RBPMS2: variants seen among roughly 807,000 people sequenced by gnomAD.
The protein encoded by RBPMS2 is RNA-binding protein with multiple splicing 2.
Under a neutral mutation model 25.7 loss-of-function variants are expected in RBPMS2, and 14 were observed. The observed-to-expected ratio is 0.55, with a 90% CI of 0.36 to 0.85. The LOEUF (loss-of-function observed/expected upper bound fraction) is 0.85, where lower values mean the gene tolerates loss of function less well. Ranked by LOEUF, RBPMS2 falls within the 40% of genes least tolerant of loss-of-function variation. The pLI is 0.01. For synonymous variants in RBPMS2, 127 were observed against 115.6 expected (o/e 1.10, Z -0.63); for missense variants, 252 against 283.4 (o/e 0.89, Z 0.80).
chr15:64,742,777 G>T (rs2083574927), intron 6 of RBPMS2, among the ~76,000 whole-genome samples: 1 of 152,208 alleles, frequency 6.6e-6, no homozygotes, highest in African/African-American at 2.4e-5. Context: ...CCTGCAGACA[G>T]CTCCCTTGAG....
intron 1 of RBPMS2, chr15:64,762,636 A>G (rs2141072376): frequency 1.1e-5 from 5 of 437,484 alleles, no homozygotes; most frequent in South Asian, 8.8e-5. Flanking sequence ...AACGTCAGGA[A>G]GCCCAGGGTG....
chr15:64,755,307 G>C (rs1341817116), intron 1 of RBPMS2, among the ~76,000 whole-genome samples: 1 of 152,140 alleles, frequency 6.6e-6, no homozygotes, highest in Non-Finnish European at 1.5e-5. Flanking sequence ...CTCTCAGGTG[G>C]TCAAGGCAGT....
At chr15:64,773,287 C>T (rs1392919831) in intron 1 of RBPMS2, among the ~76,000 whole-genome samples, 1 of 152,242 alleles carries the variant, frequency 6.6e-6, no homozygotes, top group African/African-American at 2.4e-5. Flanking sequence ...CACAGGGGCT[C>T]ATGGCCCACT....
At chr15:64,761,710 T>TC (rs2141071515) in intron 1 of RBPMS2, among the ~76,000 whole-genome samples, 1 of 146,038 alleles carries the variant, frequency 6.8e-6, no homozygotes, top group Admixed American at 6.9e-5. Context: ...TTTTTTTTTT[T>TC]TTTTTTTTTT....
chr15:64,754,740 C>T (rs759755375), intron 1 of RBPMS2, among the ~76,000 whole-genome samples: 11 of 152,070 alleles, frequency 7.2e-5, no homozygotes, highest in African/African-American at 9.6e-5. Flanking sequence ...CTTCCTACTA[C>T]GTGCCCAGCC....
At chr15:64,754,703 C>CA (rs111969621) in intron 1 of RBPMS2, among the ~76,000 whole-genome samples, 1,496 of 140,988 alleles carry the variant, frequency 0.011, 25 homozygotes, top group African/African-American at 0.033. Flanking sequence ...AACTCCGTCT[C>CA]AAAAAAAAAA....
chr15:64,753,578 C>T (rs1417226314), intron 1 of RBPMS2, among the ~76,000 whole-genome samples: 2 of 152,204 alleles, frequency 1.3e-5, no homozygotes, highest in African/African-American at 2.4e-5. Flanking sequence ...ACGGTGAAGA[C>T]AAACTTTGTC....
intron 1 of RBPMS2, among the ~76,000 whole-genome samples, chr15:64,753,081 T>C (rs2083697819): frequency 6.6e-6 from 1 of 152,154 alleles, no homozygotes; most frequent in Non-Finnish European, 1.5e-5. Flanking sequence ...GGGGAGACTT[T>C]CCATAGCTTA....
chr15:64,749,313 G>T, intron 4 of RBPMS2, 118 bp downstream of exon 4: 3 of 1,303,772 alleles, frequency 2.3e-6, no homozygotes, highest in Non-Finnish European at 3.3e-6. Flanking sequence ...AATGGCCTTT[G>T]GCACAGACAG....
intron 1 of RBPMS2, among the ~76,000 whole-genome samples, chr15:64,767,705 C>T (rs1355386061): frequency 6.6e-6 from 1 of 152,128 alleles, no homozygotes; most frequent in Non-Finnish European, 1.5e-5. Flanking sequence ...CAAGGTCTCG[C>T]TCTGTCACCC....
At chr15:64,760,234 C>T (rs1241731930) in intron 1 of RBPMS2, among the ~76,000 whole-genome samples, 1 of 152,164 alleles carries the variant, frequency 6.6e-6, no homozygotes, top group African/African-American at 2.4e-5. Context: ...GACATGGGGT[C>T]GGCCAGGAGC....
intron 5 of RBPMS2, among the ~76,000 whole-genome samples, 158 bp downstream of exon 5, chr15:64,748,842 A>C (rs2083645211): frequency 6.6e-6 from 1 of 152,162 alleles, no homozygotes; most frequent in Non-Finnish European, 1.5e-5. Context: ...CAGAAATTCT[A>C]GGCAGGCTGC....
intron 1 of RBPMS2, among the ~76,000 whole-genome samples, chr15:64,765,762 G>T (rs2083841072): frequency 6.6e-6 from 1 of 152,152 alleles, no homozygotes; most frequent in African/African-American, 2.4e-5. Context: ...TGGCCAACAT[G>T]GCGAAACCCT....
chr15:64,769,807 A>G (rs2083879406), intron 1 of RBPMS2, among the ~76,000 whole-genome samples: 1 of 152,226 alleles, frequency 6.6e-6, no homozygotes, highest in African/African-American at 2.4e-5. Flanking sequence ...GGATGCCACC[A>G]GCCCAAAGGA....
intron 1 of RBPMS2, chr15:64,762,627 A>G: frequency 2.2e-6 from 1 of 448,088 alleles, no homozygotes; most frequent in East Asian, 5.7e-5. Flanking sequence ...CCTCAAAACA[A>G]CGTCAGGAAG....
chr15:64,765,587 A>AG (rs1249979714), intron 1 of RBPMS2, among the ~76,000 whole-genome samples: 1 of 150,690 alleles, frequency 6.6e-6, no homozygotes, highest in Admixed American at 6.7e-5. Flanking sequence ...TCAGAATAAA[A>AG]AAAAGGGCGG....
chr15:64,748,746 C>A (rs1002399008), intron 5 of RBPMS2, among the ~76,000 whole-genome samples, 179 bp from the exon 6 acceptor site: 5 of 152,092 alleles, frequency 3.3e-5, no homozygotes, highest in Non-Finnish European at 7.3e-5. Context: ...TCATGGTGTG[C>A]ATCCTGCCTG....
chr15:64,764,641 C>T (rs1250843215), intron 1 of RBPMS2, among the ~76,000 whole-genome samples: 1 of 152,220 alleles, frequency 6.6e-6, no homozygotes, highest in Admixed American at 6.5e-5. Context: ...AGAGGTGGGG[C>T]ACGGTGGCTC....
chr15:64,774,809 C>G (rs145571465), intron 1 of RBPMS2, among the ~76,000 whole-genome samples: 269 of 151,326 alleles, frequency 1.8e-3, no homozygotes, highest in Non-Finnish European at 3.6e-3. Flanking sequence ...GTGCCGCCCT[C>G]GGGCCGTGCT....
Sources: gnomAD v4.1 joint callset for allele counts (sites outside exome capture counted in the v4.1 genomes callset) on GRCh38, gnomAD v4.1.1 for gene constraint, MANE v1.5 for transcripts, NCBI Gene and HGNC (gene_info 2026-07-23, HGNC 2026-07-21) for gene names.